MACROD2: variants seen among roughly 807,000 people sequenced by gnomAD.
MACROD2 encodes mono-ADP ribosylhydrolase 2.
In MACROD2, 36 loss-of-function variants were observed where a neutral mutation model predicts 70.4. The observed-to-expected ratio is 0.51, with a 90% confidence interval of 0.39 to 0.68. The LOEUF is 0.68. Among genes scored for constraint, MACROD2 ranks in the 30% least tolerant of loss-of-function variants. The probability of loss-of-function intolerance (pLI) is 0.00; values close to 1 mark genes in which losing one functional copy is unlikely to be tolerated. For missense variants in MACROD2, 496 were observed against 538.4 expected (o/e 0.92, Z 0.78); for synonymous variants, 172 against 178.8 (o/e 0.96, Z 0.30).
intron 4 of MACROD2, among the ~76,000 whole-genome samples, chr20:14,507,964 A>G (rs2084987736): frequency 6.6e-6 from 1 of 152,234 alleles, no homozygotes; most frequent in Non-Finnish European, 1.5e-5. Context: ...TACTAGCTAC[A>G]GCCTCCTGAG....
intron 5 of MACROD2, among the ~76,000 whole-genome samples, chr20:14,791,760 T>TA (rs1179048529): frequency 6.6e-6 from 1 of 151,938 alleles, no homozygotes; most frequent in Non-Finnish European, 1.5e-5. Context: ...ACTGGTATAA[T>TA]AAAGCCTTTC....
At chr20:15,814,175 C>G (rs934097298) in intron 8 of MACROD2, among the ~76,000 whole-genome samples, 1 of 152,150 alleles carries the variant, frequency 6.6e-6, no homozygotes, top group African/African-American at 2.4e-5. Context: ...GTGCCCTGTT[C>G]ACATTGGACC....
chr20:15,870,235 ATATTAT>A (rs74175654), intron 9 of MACROD2, among the ~76,000 whole-genome samples: 81,125 of 148,800 alleles, frequency 0.55, 25,200 homozygotes, highest in Non-Finnish European at 0.7. Flanking sequence ...GTTGGGTTTT[ATATTAT>A]TATTATTATT....
chr20:14,025,937 A>T (rs1447505427), intron 2 of MACROD2, among the ~76,000 whole-genome samples: 3 of 152,324 alleles, frequency 2.0e-5, no homozygotes, highest in African/African-American at 7.2e-5. Context: ...TAATATTGAC[A>T]GTGGGGTGTT....
At chr20:15,903,607 C>T (rs1413020924) in intron 10 of MACROD2, among the ~76,000 whole-genome samples, 1 of 152,154 alleles carries the variant, frequency 6.6e-6, no homozygotes. Context: ...ATCTTCACGT[C>T]CAATAATCTT....
intron 8 of MACROD2, among the ~76,000 whole-genome samples, chr20:15,802,683 T>G (rs958056984): frequency 6.6e-6 from 1 of 152,048 alleles, no homozygotes; most frequent in Non-Finnish European, 1.5e-5. Context: ...CACAACTAAC[T>G]GAAATCATGA....
At chr20:14,817,332 A>G (rs1390265664) in intron 5 of MACROD2, among the ~76,000 whole-genome samples, 1 of 152,156 alleles carries the variant, frequency 6.6e-6, no homozygotes, top group African/African-American at 2.4e-5. Flanking sequence ...CCCATGACCA[A>G]TTCACTGGTT....
chr20:14,667,843 T>C (rs924054111), intron 4 of MACROD2, among the ~76,000 whole-genome samples: 9 of 152,058 alleles, frequency 5.9e-5, no homozygotes, highest in African/African-American at 2.2e-4. Context: ...AAATTTTTAG[T>C]GGGTGAGTAT....
rs1298897461 is a variant in MACROD2, at chr20:14,967,454, G to A, written c.419-262486G>A. Among the ~76,000 whole-genome samples, 22 of 152,044 alleles carry A rather than the reference G, an allele frequency of 1.4e-4. No homozygotes were observed. In the East Asian group the frequency reaches 2.3e-3, roughly 16 times the overall value. ...GCTAAGATTACAGGCGTGAGCCACC[G>A]TGCCTGGCCGGTAGTTTTGTTTGTT... is the stretch of plus-strand genomic sequence containing the variant. On this transcript the variant is annotated intron_variant, in intron 5 of 17. Transcript: ENST00000684519.
At chr20:15,318,550 G>C (rs1261920527) in intron 6 of MACROD2, among the ~76,000 whole-genome samples, 1 of 152,070 alleles carries the variant, frequency 6.6e-6, no homozygotes, top group African/African-American at 2.4e-5. Flanking sequence ...AATCCCTTAT[G>C]ATTATAGATG....
chr20:15,097,824 A>G (rs1179186823), intron 5 of MACROD2, among the ~76,000 whole-genome samples: 1 of 152,208 alleles, frequency 6.6e-6, no homozygotes, highest in Non-Finnish European at 1.5e-5. Context: ...GCTGGTTTCT[A>G]ATGAAGATCA....
At chr20:15,346,910 A>C (rs954097458) in intron 6 of MACROD2, among the ~76,000 whole-genome samples, 1 of 152,150 alleles carries the variant, frequency 6.6e-6, no homozygotes, top group African/African-American at 2.4e-5. Flanking sequence ...TCTGGGGCTG[A>C]AAATTTAACA....
chr20:15,315,357 C>T lies in MACROD2; in HGVS notation c.540+85296C>T, dbSNP rs746039417. 9.2e-5 allele frequency among the ~76,000 whole-genome samples: 14 copies of T among 152,078 alleles called. No homozygotes were observed. In the East Asian group the frequency reaches 9.7e-4, roughly 10 times the overall value. The stretch of plus-strand genomic sequence containing the variant: ...CACATATAAGAAGCTCAATGAATCC[C>T]GAGAAGGATCGACACAAAGAGACTC... On this transcript the variant is annotated intron_variant, in intron 6 of 17. Coordinates refer to ENST00000684519, the MANE Select transcript of MACROD2 (RefSeq NM_001351661.2).
At chr20:15,386,808 A>G (rs754542036) in intron 6 of MACROD2, among the ~76,000 whole-genome samples, 5 of 152,284 alleles carry the variant, frequency 3.3e-5, no homozygotes, top group East Asian at 3.9e-4. Context: ...ATCAATTACT[A>G]TTGAGTTAGA....
chr20:14,488,400 C>T (rs2084758905), intron 3 of MACROD2, among the ~76,000 whole-genome samples: 1 of 152,150 alleles, frequency 6.6e-6, no homozygotes, highest in African/African-American at 2.4e-5. Context: ...TGGTATGTAG[C>T]ACATTCTGAT....
intron 5 of MACROD2, among the ~76,000 whole-genome samples, chr20:15,206,721 G>GT (rs56752104): frequency 0.036 from 1,190 of 32,966 alleles, 434 homozygotes; most frequent in Non-Finnish European, 0.049. Context: ...TATTATCTAT[G>GT]TTTTTTTTTT....
intron 15 of MACROD2, among the ~76,000 whole-genome samples, chr20:16,036,538 T>A (rs1391313209): frequency 1.3e-5 from 2 of 152,016 alleles, no homozygotes; most frequent in African/African-American, 2.4e-5. Flanking sequence ...CTAGGAGCTC[T>A]GGAATGTACC....
At chr20:15,269,104 A>G (rs1262815698) in intron 6 of MACROD2, among the ~76,000 whole-genome samples, 1 of 152,238 alleles carries the variant, frequency 6.6e-6, no homozygotes, top group Non-Finnish European at 1.5e-5. Context: ...AGCTTATTAT[A>G]TATTGTTAAA....
chr20:14,980,605 A>G (rs1600903697), intron 5 of MACROD2, among the ~76,000 whole-genome samples: 1 of 152,340 alleles, frequency 6.6e-6, no homozygotes, highest in East Asian at 1.9e-4. Flanking sequence ...TAATTGGCCA[A>G]GTGAAATACT....
Sources: allele counts gnomAD v4.1 joint callset (sites outside exome capture counted in the v4.1 genomes callset), GRCh38; gene constraint gnomAD v4.1.1; transcripts MANE v1.5; gene names NCBI Gene and HGNC (gene_info 2026-07-23, HGNC 2026-07-21).